The following RPL30 variants were observed in gnomAD, a reference collection of about 807,000 sequenced individuals.
The protein encoded by RPL30 is large ribosomal subunit protein eL30.
For synonymous variants in RPL30, 40 were observed against 50.4 expected (o/e 0.79, Z 0.87); for missense variants, 60 against 138.0 (o/e 0.43, Z 2.83).
In RPL30 at chr8:98,041,787, G is replaced by T; in HGVS notation, c.*14C>A. The T allele has an allele frequency of 6.3e-7, 1 of 1,580,048 alleles. No individual in the cohort carries two copies. The highest frequency in any genetic ancestry group is 8.6e-7 in the Non-Finnish European group (1 of 1,160,296). On this transcript the variant is annotated 3_prime_UTR_variant, in exon 5 of 5. Coordinates refer to ENST00000287038, the MANE Select transcript of RPL30 (RefSeq NM_000989.4). ...GTTTAAGGTTTGCAGGTGAAATTTT[G>T]TAGGTGAAAAGGTTTACTTTTCACC... is the stretch of plus-strand genomic sequence containing the variant.
chr8:98,044,800 T>G (rs539016750), intron 3 of RPL30, 143 bp downstream of exon 3: 1 of 925,120 alleles, frequency 1.1e-6, no homozygotes, highest in East Asian at 2.5e-5. Context: ...GAGACGGGAA[T>G]GAAGGGCCAA....
intron 4 of RPL30, chr8:98,042,124 G>C (rs1402198432): frequency 1.6e-6 from 1 of 634,342 alleles, no homozygotes; most frequent in South Asian, 1.4e-5. Flanking sequence ...CCTAGGGAAA[G>C]AACTAGGTTT....
intron 4 of RPL30, 93 bp downstream of exon 4, chr8:98,042,552 G>C (rs1301593200): frequency 8.1e-6 from 10 of 1,233,148 alleles, no homozygotes; most frequent in Middle Eastern, 2.9e-4. Context: ...CTGAATTTAG[G>C]AACCAAAGAC....
At position 98,044,933 on chromosome 8, in the gene RPL30, C is replaced by T. The variant is rs754074068; in HGVS notation, c.167+10G>A. On this transcript the variant is annotated intron_variant, in intron 3 of 4. Coordinates refer to ENST00000287038, the MANE Select transcript of RPL30 (RefSeq NM_000989.4). ...GCGGTAGGCGAAGCCCGTTCAGTCT[C>T]TTCGATTACCTCAAAGCTGGGCAGT... 25 of 1,611,714 alleles carry T rather than the reference C, an allele frequency of 1.6e-5. No individual in the cohort carries two copies. Among genetic ancestry groups the T allele is most frequent in the Middle Eastern group, 4.0e-4 (2 of 4,960 alleles).
Position 98,045,216 on chromosome 8 carries a change from A to G in RPL30, c.22-128T>C, listed in dbSNP as rs147738892. On this transcript the variant is annotated intron_variant, in intron 2 of 4. Coordinates refer to ENST00000287038, the MANE Select transcript of RPL30 (RefSeq NM_000989.4). ...AGGACCCCAAGTCATTGAGAGGGCC[A>G]CTGGGATTCCTTCTGGGGCCCTCCA... The G allele has an allele frequency of 2.7e-5, 42 of 1,530,234 alleles. No homozygotes were observed. In the African/African-American group the frequency reaches 4.6e-4, roughly 17 times the overall value. The allele number at this position is 1,530,234 out of a possible 1,614,324, so 94.8% of individuals were successfully genotyped here. A position where few individuals can be genotyped will look rare whatever the true frequency, so the allele number is the denominator to read the frequency against.
In RPL30 at chr8:98,042,602, GA is replaced by G. The variant is rs2130480404; in HGVS notation, c.298+42del. ...AAATACTTGTCCAGACATTACATTA[GA>G]AAGGCAAAAAAAAAAAAGACTTTAT... On this transcript the variant is annotated intron_variant, in intron 4 of 4. Transcript: ENST00000287038. The G allele has an allele frequency of 2.1e-6, 3 of 1,458,910 alleles. No homozygotes were observed. The East Asian group carries it at 7.3e-5, about 36-fold the overall frequency. 90.4% of individuals were successfully genotyped at this position (1,458,910 alleles called of 1,614,324 possible).
intron 2 of RPL30, 122 bp from the exon 3 acceptor site, chr8:98,045,210 A>G: frequency 6.5e-7 from 1 of 1,535,372 alleles, no homozygotes; most frequent in Non-Finnish European, 8.9e-7. Flanking sequence ...AGTCATTGAG[A>G]GGGCCACTGG....
At chr8:98,044,790 G>T in intron 3 of RPL30, 153 bp downstream of exon 3, 2 of 813,710 alleles carry the variant, frequency 2.5e-6, no homozygotes, top group Non-Finnish European at 3.9e-6. Context: ...GTGGGTCGGG[G>T]AGACGGGAAT....
intron 3 of RPL30, 120 bp from the exon 4 acceptor site, chr8:98,042,895 CA>C (rs1400029211): frequency 2.3e-6 from 2 of 886,636 alleles, no homozygotes; most frequent in Non-Finnish European, 3.3e-6. Context: ...AACAAAATCA[CA>C]TATTACTCTT....
intron 4 of RPL30, chr8:98,042,142 C>T (rs1434686383): frequency 3.3e-6 from 2 of 613,412 alleles, no homozygotes; most frequent in South Asian, 1.4e-5. Context: ...TTTGGGGACA[C>T]ATGCATGGTC....
intron 3 of RPL30, 84 bp from the exon 4 acceptor site, chr8:98,042,859 T>G: frequency 7.5e-7 from 1 of 1,330,972 alleles, no homozygotes; most frequent in Non-Finnish European, 1.0e-6. Context: ...TTACTAGTGT[T>G]AATGTTGTTA....
intron 4 of RPL30, 180 bp downstream of exon 4, chr8:98,042,465 T>A: frequency 1.7e-6 from 1 of 591,682 alleles, no homozygotes; most frequent in East Asian, 3.0e-5. Context: ...TAAAGCCAAT[T>A]ATAATGTATT....
chr8:98,043,171 G>A (rs1470038409), intron 3 of RPL30: 2 of 153,812 alleles, frequency 1.3e-5, no homozygotes, highest in Non-Finnish European at 2.9e-5. Context: ...TGTCGCTCAG[G>A]CGGATCGTGC....
intron 3 of RPL30, chr8:98,043,406 G>T (rs1814416098): frequency 6.7e-6 from 1 of 149,108 alleles, no homozygotes; most frequent in South Asian, 2.1e-4. Context: ...GATTACAGGT[G>T]TGAGCCACGG....
At position 98,045,050 on chromosome 8, in the gene RPL30, G is replaced by A. The variant is rs762492957; in HGVS notation, c.60C>T (p.Leu20=). The A allele has an allele frequency of 1.4e-5, 22 of 1,614,108 alleles. No individual in the cohort carries two copies. The highest frequency in any genetic ancestry group is 2.2e-5 in the South Asian group (2 of 91,076). Residue 20 remains leucine (L), a synonymous_variant, in exon 3 of 5, where the codon CTC becomes CTT. Coordinates refer to ENST00000287038, the MANE Select transcript of RPL30 (RefSeq NM_000989.4). The stretch of plus-strand genomic sequence containing the variant: ...GGACGTACTTCCCACTTTTCATAAC[G>A]AGTTGGAGCCTAGAGTTGATCGACT... ...SLESINSRLQ[L]VMKSGKYVLG... is the part of the protein sequence containing the mutation.
intron 2 of RPL30, 62 bp downstream of exon 2, chr8:98,045,285 C>T: frequency 6.2e-7 from 1 of 1,611,502 alleles, no homozygotes; most frequent in Non-Finnish European, 8.5e-7. Flanking sequence ...TCACATCTGC[C>T]CGCCCTGGCC....
At position 98,041,814 on chromosome 8, in the gene RPL30, G is replaced by A. The variant is rs139559856; in HGVS notation, c.335C>T (p.Thr112Ile). Residue 112 changes from threonine to isoleucine, a missense_variant, in exon 5 of 5, where the codon ACT (threonine) becomes ATT (isoleucine). Transcript: ENST00000287038. Reference protein sequence around the residue: ...SDIIRSMPEQTGEK With the variant: ...SDIIRSMPEQIGEK The stretch of plus-strand genomic sequence containing the variant: ...AGGTGAAAAGGTTTACTTTTCACCA[G>A]TCTGTTCTGGCATGCTTCTAATGAT... The A allele has an allele frequency of 4.4e-6, 7 of 1,602,660 alleles. No homozygotes were observed. The highest frequency in any genetic ancestry group is 3.4e-5 in the South Asian group (3 of 88,026).
At chr8:98,044,253 A>C (rs998193674) in intron 3 of RPL30, 2 of 152,270 alleles carry the variant, frequency 1.3e-5, no homozygotes, top group African/African-American at 4.8e-5. Context: ...CTTTAAAGAA[A>C]GTTTCAAAGA....
chr8:98,044,747 TAAG>T (rs1814444832), intron 3 of RPL30, 193 bp downstream of exon 3: 1 of 565,762 alleles, frequency 1.8e-6, no homozygotes, highest in Non-Finnish European at 3.1e-6. Context: ...CCTCCAAAAA[TAAG>T]CTCACAGAAG....
Sources: allele counts gnomAD v4.1 joint callset, GRCh38; gene constraint gnomAD v4.1.1; transcripts MANE v1.5; gene names NCBI Gene and HGNC (gene_info 2026-07-23, HGNC 2026-07-21).